Variants in ABHD17B observed in about 807,000 individuals in gnomAD.
ABHD17B encodes the protein alpha/beta hydrolase domain-containing protein 17B.
ABHD17B carries 9 observed loss-of-function variants against 26.2 expected under a neutral mutation model. The ratio of observed to expected loss-of-function variants is 0.34; its 90% confidence interval spans 0.21 to 0.60. ABHD17B has a LOEUF of 0.60. Among genes scored for constraint, ABHD17B ranks in the 20% least tolerant of loss-of-function variants. The pLI is 0.80. For synonymous variants in ABHD17B, 127 were observed against 122.3 expected, an observed-to-expected ratio of 1.04 and a Z score of -0.25; for missense variants, 224 against 352.1, an observed-to-expected ratio of 0.64 and a Z score of 2.91.
In ABHD17B at chr9:71,866,406, T is replaced by C. The variant is rs112223614; in HGVS notation, c.*381A>G. 6.5e-3 allele frequency: 6,391 copies of C among 986,102 alleles called. 21 individuals are homozygous for C. The highest frequency in any genetic ancestry group is 7.2e-3 in the African/African-American group (411 of 57,112). The allele number at this position is 986,102 out of a possible 1,614,324, so 61.1% of individuals were successfully genotyped here. A position where few individuals can be genotyped will look rare whatever the true frequency, so the allele number is the denominator to read the frequency against. On this transcript the variant is annotated 3_prime_UTR_variant, in exon 4 of 4. Coordinates refer to ENST00000333421, the MANE Select transcript of ABHD17B (RefSeq NM_001025780.3). ...CATAGCTTTTTTCAAAATATTACAG[T>C]TGTATTCCAGGATAAGATTTAATAT...
At chr9:71,892,899 T>C (rs1182467757) in intron 1 of ABHD17B, among the ~76,000 whole-genome samples, 1 of 152,182 alleles carries the variant, frequency 6.6e-6, no homozygotes, top group Admixed American at 6.5e-5. Context: ...ATTTTTCATC[T>C]TCCCCAACTG....
downstream of ABHD17B, among the ~76,000 whole-genome samples, chr9:71,864,579 T>G (rs1416388064): frequency 6.6e-6 from 1 of 152,048 alleles, no homozygotes; most frequent in Admixed American, 6.6e-5. Context: ...TTCATTCCCC[T>G]CAGCTAGGAA....
chr9:71,872,694 C>T (rs1257458936), intron 2 of ABHD17B, among the ~76,000 whole-genome samples: 2 of 151,970 alleles, frequency 1.3e-5, no homozygotes, highest in Non-Finnish European at 2.9e-5. Context: ...AGTTGTTATA[C>T]GTTATTCAAC....
Position 71,910,974 on chromosome 9 carries a change from C to A in ABHD17B, c.-344G>T. ...CGTCGGTTGCTCTCGGGCCTCACGT[C>A]CCGCGCGGCCGTGGTCGCAGCCGCC... On this transcript the variant is annotated 5_prime_UTR_variant, in exon 1 of 4. Transcript: ENST00000333421. 6.5e-6 allele frequency: 1 copy of A among 154,276 alleles called. No individual in the cohort carries two copies. The highest frequency in any genetic ancestry group is 1.8e-4 in the South Asian group (1 of 5,586). 9.6% of individuals were successfully genotyped at this position (154,276 alleles called of 1,614,324 possible).
rs550140140 is a variant in ABHD17B at position 71,909,449 on chromosome 9, G to C, written c.-4+1185C>G. ...ATTTTCAAAATACTGGCTATCATTA[G>C]ATGTCACCCAACTGAAATTCATGCT... On this transcript the variant is annotated intron_variant, in intron 1 of 3. Transcript: ENST00000333421. Among the ~76,000 whole-genome samples the C allele has an allele frequency of 7.0e-4, 107 of 152,282 alleles. 1 individual carries two copies. Among genetic ancestry groups the C allele is most frequent in the African/African-American group, 2.4e-3 (100 of 41,556 alleles).
chr9:71,880,949 A>T (rs1383380260), intron 1 of ABHD17B, among the ~76,000 whole-genome samples: 1 of 151,986 alleles, frequency 6.6e-6, no homozygotes, highest in African/African-American at 2.4e-5. Flanking sequence ...ATAAAAAAAT[A>T]AAACTAAGAA....
intron 1 of ABHD17B, among the ~76,000 whole-genome samples, chr9:71,893,867 A>G (rs1024158111): frequency 1.3e-5 from 2 of 152,260 alleles, no homozygotes; most frequent in Admixed American, 6.5e-5. Flanking sequence ...AGGCGGGTGG[A>G]TCACAAGGTC....
At chr9:71,894,717 T>G (rs182397429) in intron 1 of ABHD17B, among the ~76,000 whole-genome samples, 1 of 152,124 alleles carries the variant, frequency 6.6e-6, no homozygotes. Flanking sequence ...TGCCAGCTAC[T>G]TGGGTGGCTG....
intron 1 of ABHD17B, among the ~76,000 whole-genome samples, chr9:71,901,787 C>T (rs1022483540): frequency 1.3e-5 from 2 of 152,142 alleles, no homozygotes; most frequent in East Asian, 1.9e-4. Context: ...TTTAGCTCAA[C>T]GACTTTTCAA....
At chr9:71,868,364 C>A (rs563218941) in intron 3 of ABHD17B, among the ~76,000 whole-genome samples, 1 of 152,240 alleles carries the variant, frequency 6.6e-6, no homozygotes, top group African/African-American at 2.4e-5. Flanking sequence ...TACATATAAG[C>A]AGGCAACCAA....
downstream of ABHD17B, chr9:71,865,072 C>T: frequency 1.2e-6 from 1 of 804,754 alleles, no homozygotes. Flanking sequence ...AAACTATGTC[C>T]TATAAAAACG....
intron 1 of ABHD17B, among the ~76,000 whole-genome samples, chr9:71,908,269 G>A (rs572690595): frequency 1.2e-3 from 183 of 151,846 alleles, no homozygotes; most frequent in African/African-American, 4.3e-3. Flanking sequence ...GCGGGTGCCC[G>A]TAATCCCAGC....
intron 1 of ABHD17B, among the ~76,000 whole-genome samples, chr9:71,876,923 CT>C (rs1826295069): frequency 6.6e-6 from 1 of 152,104 alleles, no homozygotes; most frequent in South Asian, 2.1e-4. Flanking sequence ...ACCTTTATTT[CT>C]TTTTAGGCTT....
At chr9:71,906,907 T>A (rs1426884136) in intron 1 of ABHD17B, among the ~76,000 whole-genome samples, 1 of 152,226 alleles carries the variant, frequency 6.6e-6, no homozygotes, top group East Asian at 1.9e-4. Flanking sequence ...ATGTTGCTGG[T>A]CGACCATTAC....
chr9:71,891,457 C>T (rs1027302982), intron 1 of ABHD17B, among the ~76,000 whole-genome samples: 26 of 152,304 alleles, frequency 1.7e-4, no homozygotes, highest in Admixed American at 9.8e-4. Flanking sequence ...GGACTATCCA[C>T]TATATCTATA....
intron 1 of ABHD17B, among the ~76,000 whole-genome samples, chr9:71,892,690 A>G (rs892271027): frequency 6.6e-6 from 1 of 152,046 alleles, no homozygotes; most frequent in Non-Finnish European, 1.5e-5. Flanking sequence ...GGGGAAGTGC[A>G]GAGGTGAGAG....
chr9:71,897,794 T>C (rs764762101), intron 1 of ABHD17B, among the ~76,000 whole-genome samples: 1 of 152,200 alleles, frequency 6.6e-6, no homozygotes, highest in African/African-American at 2.4e-5. Context: ...TAAACTGTCA[T>C]CTCTACCACT....
chr9:71,885,096 A>G (rs1826565741), intron 1 of ABHD17B, among the ~76,000 whole-genome samples: 1 of 152,062 alleles, frequency 6.6e-6, no homozygotes, highest in African/African-American at 2.4e-5. Flanking sequence ...AAACACAGAG[A>G]AGGACCCTAT....
At chr9:71,889,572 G>A (rs1453098937) in intron 1 of ABHD17B, among the ~76,000 whole-genome samples, 17 of 152,082 alleles carry the variant, frequency 1.1e-4, no homozygotes, top group South Asian at 2.1e-4. Flanking sequence ...GTATTTGTGC[G>A]ATACTGGTGG....
Sources: gnomAD v4.1 joint callset for allele counts (sites outside exome capture counted in the v4.1 genomes callset) on GRCh38, gnomAD v4.1.1 for gene constraint, MANE v1.5 for transcripts, NCBI Gene and HGNC (gene_info 2026-07-23, HGNC 2026-07-21) for gene names.